The following CDH23 variants were observed in gnomAD, a reference collection of about 807,000 sequenced individuals.
CDH23 encodes the protein cadherin-23.
In CDH23, 189 loss-of-function variants were observed where a neutral mutation model predicts 317.1. The ratio of observed to expected loss-of-function variants is 0.60; its 90% CI spans 0.53 to 0.67. The LOEUF (loss-of-function observed/expected upper bound fraction) is 0.67. Among genes scored for constraint, CDH23 ranks in the 30% least tolerant of loss-of-function variants. The pLI is 0.00. For synonymous variants in CDH23, 1,839 were observed against 1,876.8 expected, an observed-to-expected ratio of 0.98 and a Z score of 0.52; for missense variants, 4,401 against 4,592.4, an observed-to-expected ratio of 0.96 and a Z score of 1.20.
intron 6 of CDH23, among the ~76,000 whole-genome samples, chr10:71,553,760 AT>A (rs1480150606): frequency 6.6e-6 from 1 of 152,238 alleles, no homozygotes; most frequent in East Asian, 1.9e-4. Context: ...AAAGGAATGA[AT>A]TTGGGGGCTG....
chr10:71,501,851 G>A (rs1265507001), intron 3 of CDH23, among the ~76,000 whole-genome samples: 2 of 152,194 alleles, frequency 1.3e-5, no homozygotes, highest in Non-Finnish European at 2.9e-5. Flanking sequence ...GGAGGAGGGT[G>A]GGTTTCCCTT....
At chr10:71,625,226 G>C (rs538043054) in intron 11 of CDH23, among the ~76,000 whole-genome samples, 4 of 151,524 alleles carry the variant, frequency 2.6e-5, no homozygotes, top group African/African-American at 9.7e-5. Flanking sequence ...CAAAGGTTTG[G>C]TCCCACCGAG....
At chr10:71,694,338 C>G in intron 21 of CDH23, 79 bp downstream of exon 21, 1 of 1,105,268 alleles carries the variant, frequency 9.0e-7, no homozygotes, top group Non-Finnish European at 1.3e-6. Flanking sequence ...TCTGGACCCC[C>G]GTGTCCTGAG....
At chr10:71,668,714 C>T (rs74145264) in intron 14 of CDH23, among the ~76,000 whole-genome samples, 6,367 of 152,296 alleles carry the variant, frequency 0.042, 193 homozygotes, top group South Asian at 0.081. Flanking sequence ...CCCTCTTGCC[C>T]CTTCCCCTCG....
At chr10:71,778,134 T>C in intron 39 of CDH23, 55 bp from the exon 40 acceptor site, 1 of 1,605,502 alleles carries the variant, frequency 6.2e-7, no homozygotes, top group Non-Finnish European at 8.5e-7. Context: ...GGTCAGAGGG[T>C]GCTGCAGACC....
In CDH23 at chr10:71,740,723, CA is replaced by C. The variant is rs141298136; in HGVS notation, c.4489-96del. The C allele has an allele frequency of 0.015, 23,105 of 1,529,466 alleles. 1,685 individuals carry two copies. The East Asian group carries it at 0.2, about 13-fold the overall frequency. 94.7% of individuals were successfully genotyped at this position (1,529,466 alleles called of 1,614,324 possible). On this transcript the variant is annotated intron_variant, in intron 36 of 69. Transcript: ENST00000224721. ...TTCTCAGTGAGTCTCTTTGCCCTCC[CA>C]AATGCTCCCCACTGATTGCACAGCC...
intron 11 of CDH23, among the ~76,000 whole-genome samples, chr10:71,639,784 C>A (rs1441940991): frequency 6.6e-6 from 1 of 152,162 alleles, no homozygotes; most frequent in Non-Finnish European, 1.5e-5. Flanking sequence ...AAAGGCTCAG[C>A]AGCACAGGAC....
chr10:71,424,556 C>A (rs188858902), intron 1 of CDH23, among the ~76,000 whole-genome samples: 1 of 152,218 alleles, frequency 6.6e-6, no homozygotes, highest in East Asian at 1.9e-4. Flanking sequence ...GGATCCCCTT[C>A]CCCCAGCTGA....
intron 7 of CDH23, among the ~76,000 whole-genome samples, chr10:71,569,291 C>T (rs1857620011): frequency 6.6e-6 from 1 of 152,232 alleles, no homozygotes; most frequent in Non-Finnish European, 1.5e-5. Context: ...ACCAGCCCTC[C>T]CTTCTCCTAG....
At position 71,519,251 on chromosome 10, in the gene CDH23, T is replaced by C. The variant is rs1266797746; in HGVS notation, c.429+8039T>C. On this transcript the variant is annotated intron_variant, in intron 6 of 69. Transcript: ENST00000224721. Reference sequence around the variant, plus strand: ...TTTATTGTGCCCCCTGCCCTTTAAATAAAGAACCTCTAAATGGAAGGAGAT... The same window carrying C: ...TTTATTGTGCCCCCTGCCCTTTAAACAAAGAACCTCTAAATGGAAGGAGAT... Among the ~76,000 whole-genome samples, 4 of 152,274 alleles carry C rather than the reference T, an allele frequency of 2.6e-5. No homozygotes were observed. The South Asian group carries it at 6.2e-4, about 24-fold the overall frequency.
intron 20 of CDH23, among the ~76,000 whole-genome samples, chr10:71,693,570 C>T (rs1036322157): frequency 6.6e-6 from 1 of 152,192 alleles, no homozygotes; most frequent in Admixed American, 6.5e-5. Context: ...CGCATGTGAA[C>T]ACCCGGTGTT....
In CDH23 at chr10:71,802,961, A is replaced by C. The variant is rs1243652019; in HGVS notation, c.7546A>C (p.Thr2516Pro). 6.2e-7 allele frequency: 1 copy of C among 1,614,032 alleles called. No homozygotes were observed. Among genetic ancestry groups the C allele is most frequent in the South Asian group, 1.1e-5 (1 of 91,090 alleles). The change falls in exon 54 of 70, where the codon ACA becomes CCA. Residue 2516 changes from threonine (T) to proline (P), a missense_variant. Transcript: ENST00000224721. ...ACAGTTCTCCAAGCCCCAGTTCAGC[A>C]CAAGCGTGTATGAGAATGAGCCGGC... ...RPQFSKPQFS[T>P]SVYENEPAGT...
At chr10:71,413,775 C>T (rs73281854) in intron 1 of CDH23, among the ~76,000 whole-genome samples, 5,970 of 152,146 alleles carry the variant, frequency 0.039, 388 homozygotes, top group African/African-American at 0.14. Context: ...TCAAGTTGAT[C>T]CTCTTGCTTC....
intron 14 of CDH23, among the ~76,000 whole-genome samples, chr10:71,666,775 T>C (rs773216373): frequency 1.4e-4 from 22 of 152,214 alleles, no homozygotes; most frequent in Admixed American, 4.6e-4. Flanking sequence ...GCTACCGGGT[T>C]CCTGCAGCAG....
chr10:71,789,991 C>T (rs941863113), intron 45 of CDH23, among the ~76,000 whole-genome samples: 6 of 152,228 alleles, frequency 3.9e-5, no homozygotes, highest in African/African-American at 4.8e-5. Flanking sequence ...CAGACCCTCC[C>T]GAGGAGCGGC....
chr10:71,814,713 TACACACACAC>T (rs34475820), intron 69 of CDH23, among the ~76,000 whole-genome samples: 7 of 146,882 alleles, frequency 4.8e-5, no homozygotes, highest in African/African-American at 1.0e-4. Context: ...AAGAAGCCGA[TACACACACAC>T]ACACACACAC....
At chr10:71,813,036 C>G in intron 68 of CDH23, 146 bp downstream of exon 68, 3 of 1,386,804 alleles carry the variant, frequency 2.2e-6, no homozygotes, top group Non-Finnish European at 2.9e-6. Flanking sequence ...GGGGGCTACT[C>G]CAGCCTGCGG....
chr10:71,708,231 G>T (rs544802579), intron 26 of CDH23, among the ~76,000 whole-genome samples: 1 of 152,282 alleles, frequency 6.6e-6, no homozygotes, highest in South Asian at 2.1e-4. Flanking sequence ...CAAGAACAGG[G>T]GGAGCACCTG....
intron 24 of CDH23, among the ~76,000 whole-genome samples, chr10:71,704,060 G>T (rs1003121991): frequency 7.2e-5 from 11 of 152,140 alleles, no homozygotes; most frequent in African/African-American, 2.7e-4. Flanking sequence ...TTCTCCAGGG[G>T]GTAGAGCTGT....
Sources: allele counts gnomAD v4.1 joint callset (sites outside exome capture counted in the v4.1 genomes callset), GRCh38; gene constraint gnomAD v4.1.1; transcripts MANE v1.5; gene names NCBI Gene and HGNC (gene_info 2026-07-23, HGNC 2026-07-21).